The following VPS13A variants were observed in gnomAD, a reference collection of about 807,000 sequenced individuals.
VPS13A encodes the protein intermembrane lipid transfer protein VPS13A.
VPS13A carries 264 observed loss-of-function variants against 390.9 expected under a neutral mutation model. That is an observed-to-expected ratio of 0.68 (90% CI 0.61 to 0.75). VPS13A has a LOEUF of 0.75. Ranked by LOEUF, VPS13A falls within the 30% of genes least tolerant of loss-of-function variation. VPS13A has a pLI of 0.00. For missense variants in VPS13A, 3,409 were observed against 3,733.9 expected (o/e 0.91, Z 2.27); for synonymous variants, 1,231 against 1,227.1 (o/e 1.00, Z -0.07).
At chr9:77,253,549 C>G (rs1825264175) in intron 22 of VPS13A, among the ~76,000 whole-genome samples, 1 of 152,178 alleles carries the variant, frequency 6.6e-6, no homozygotes, top group Admixed American at 6.5e-5. Context: ...TTGTGATCCA[C>G]CCGCCTCAGC....
chr9:77,365,277 T>A (rs982325803), intron 59 of VPS13A, among the ~76,000 whole-genome samples, 183 bp from the exon 60 acceptor site: 2 of 152,204 alleles, frequency 1.3e-5, no homozygotes, highest in Admixed American at 1.3e-4. Flanking sequence ...TAATGCTTGT[T>A]GGTTTGTCAG....
intron 3 of VPS13A, among the ~76,000 whole-genome samples, chr9:77,201,786 T>A (rs1825344614): frequency 6.6e-6 from 1 of 152,166 alleles, no homozygotes; most frequent in South Asian, 2.1e-4. Flanking sequence ...GCCCTGTGAC[T>A]AGGGGCCGAT....
intron 2 of VPS13A, 95 bp downstream of exon 2, chr9:77,200,083 GAGAA>G (rs933085486): frequency 4.2e-5 from 51 of 1,203,020 alleles, no homozygotes; most frequent in Middle Eastern, 5.2e-4. Context: ...ATTTAAATTT[GAGAA>G]AGTTTTTTGT....
At chr9:77,283,068 T>C (rs990855233) in intron 29 of VPS13A, among the ~76,000 whole-genome samples, 4 of 152,178 alleles carry the variant, frequency 2.6e-5, no homozygotes, top group African/African-American at 9.6e-5. Flanking sequence ...CTAGTAATTA[T>C]TGGTTCTCAA....
chr9:77,282,398 T>A (rs1342151176), intron 29 of VPS13A, 124 bp downstream of exon 29: 5 of 873,366 alleles, frequency 5.7e-6, no homozygotes, highest in Middle Eastern at 3.6e-4. Flanking sequence ...CCTAGGTTAA[T>A]ATCTAGAAGG....
intron 67 of VPS13A, among the ~76,000 whole-genome samples, chr9:77,374,178 T>A (rs1395314765): frequency 6.6e-6 from 1 of 152,174 alleles, no homozygotes; most frequent in Non-Finnish European, 1.5e-5. Context: ...TCCCTCTTGA[T>A]CTGCAGGGAT....
intron 53 of VPS13A, 113 bp downstream of exon 53, chr9:77,351,559 C>A: frequency 7.4e-7 from 1 of 1,347,780 alleles, no homozygotes; most frequent in Non-Finnish European, 1.0e-6. Flanking sequence ...CTGAGGTGGG[C>A]CATGAGTTGG....
intron 67 of VPS13A, among the ~76,000 whole-genome samples, chr9:77,376,611 T>C (rs1468296633): frequency 6.6e-6 from 1 of 152,126 alleles, no homozygotes; most frequent in Non-Finnish European, 1.5e-5. Flanking sequence ...AAGGGTGAGG[T>C]TGTCGTTCTT....
rs771891218 is a variant in VPS13A, at chr9:77,206,089, A to G, written c.385+10A>G. 2.0e-6 allele frequency: 3 copies of G among 1,491,376 alleles called. No homozygotes were observed. The highest frequency in any genetic ancestry group is 1.2e-5 in the South Asian group (1 of 81,828). The allele number at this position is 1,491,376 out of a possible 1,614,324, so 92.4% of individuals were successfully genotyped here. Reference sequence around the variant, plus strand: ...AAAGTAGTTGATCAAGGTAAAGAAAACAGTAAATAACAATGCTAATAAGAG... The same window carrying G: ...AAAGTAGTTGATCAAGGTAAAGAAAGCAGTAAATAACAATGCTAATAAGAG... On this transcript the variant is annotated intron_variant, in intron 5 of 71. Coordinates refer to ENST00000360280, the MANE Select transcript of VPS13A (RefSeq NM_033305.3).
chr9:77,204,417 C>T (rs1199443068), intron 3 of VPS13A, among the ~76,000 whole-genome samples: 1 of 151,778 alleles, frequency 6.6e-6, no homozygotes, highest in Non-Finnish European at 1.5e-5. Context: ...GTTTGATTTT[C>T]TTAGGATGTT....
intron 69 of VPS13A, 55 bp downstream of exon 69, chr9:77,403,376 T>C: frequency 7.3e-7 from 1 of 1,379,030 alleles, no homozygotes; most frequent in Non-Finnish European, 1.0e-6. Context: ...TGACAGCGAC[T>C]CATGAGGTGA....
At position 77,370,272 on chromosome 9, in the gene VPS13A, C is replaced by T. The variant is rs2131587200; in HGVS notation, c.8683C>T (p.Pro2895Ser). 6.2e-7 allele frequency: 1 copy of T among 1,614,116 alleles called. No homozygotes were observed. The highest frequency in any genetic ancestry group is 1.1e-5 in the South Asian group (1 of 91,066). The change falls in exon 64 of 72, where the codon CCT becomes TCT. Residue 2895 changes from proline to serine, a missense_variant. Around this residue, in one of 5 missense-constraint regions of VPS13A, gnomAD observed 30 missense variants for 63.4 expected, o/e 0.47. Transcript: ENST00000360280. Reference protein sequence around the residue: ...YEPYQGAIQGPEEFVEGMALG... With the variant: ...YEPYQGAIQGSEEFVEGMALG... ...GGCCCTTTAGGGAGCCATCCAGGGTCCTGAAGAGTTTGTGGAAGGAATGGC... is the reference window on the plus strand; with the variant it reads ...GGCCCTTTAGGGAGCCATCCAGGGTTCTGAAGAGTTTGTGGAAGGAATGGC...
At chr9:77,228,527 G>A (rs1587372904) in intron 17 of VPS13A, among the ~76,000 whole-genome samples, 3 of 152,092 alleles carry the variant, frequency 2.0e-5, no homozygotes, top group African/African-American at 7.2e-5. Context: ...CATTAACAAT[G>A]TGGTTTTTAT....
chr9:77,201,300 A>T, intron 2 of VPS13A, 65 bp from the exon 3 acceptor site: 3 of 1,111,982 alleles, frequency 2.7e-6, no homozygotes, highest in Non-Finnish European at 4.1e-6. Context: ...AGTAAAGAGT[A>T]TTCATTTATG....
rs562398792 is a variant in VPS13A, at chr9:77,240,185, C to T, written c.1900+1799C>T. Reference sequence around the variant, plus strand: ...TCAACCTCTGCCTCCTGGGTTCAAGCGATTCTCCTGCCTCAGCCTCCCGAG... The same window carrying T: ...TCAACCTCTGCCTCCTGGGTTCAAGTGATTCTCCTGCCTCAGCCTCCCGAG... On this transcript the variant is annotated intron_variant, in intron 19 of 71. Transcript: ENST00000360280. 1.1e-4 allele frequency among the ~76,000 whole-genome samples: 16 copies of T among 149,444 alleles called. No individual in the cohort carries two copies. The East Asian group carries it at 1.4e-3, about 13-fold the overall frequency.
intron 67 of VPS13A, among the ~76,000 whole-genome samples, chr9:77,373,909 A>G (rs1031285110): frequency 9.2e-5 from 14 of 152,184 alleles, no homozygotes; most frequent in Admixed American, 2.6e-4. Flanking sequence ...CTGCCATTGC[A>G]TTGTTTCAAC....
At chr9:77,383,761 G>A (rs1833555550) in intron 68 of VPS13A, among the ~76,000 whole-genome samples, 1 of 151,924 alleles carries the variant, frequency 6.6e-6, no homozygotes, top group Admixed American at 6.6e-5. Flanking sequence ...TAATAGGTCA[G>A]TCTCATCATT....
chr9:77,405,718 G>T, intron 69 of VPS13A, 146 bp from the exon 70 acceptor site: 1 of 1,084,918 alleles, frequency 9.2e-7, no homozygotes, highest in Non-Finnish European at 1.3e-6. Context: ...TATGGTTCCA[G>T]TTCTTTTAAA....
intron 68 of VPS13A, among the ~76,000 whole-genome samples, chr9:77,398,181 T>A (rs1035820804): frequency 6.6e-6 from 1 of 152,150 alleles, no homozygotes; most frequent in Non-Finnish European, 1.5e-5. Context: ...CTGGAAAAAA[T>A]TAGCAGCCTA....
Sources: gnomAD v4.1 joint callset for allele counts (sites outside exome capture counted in the v4.1 genomes callset) on GRCh38, gnomAD v4.1.1 for gene constraint, gnomAD v4.1.1 regional missense constraint, MANE v1.5 for transcripts, NCBI Gene and HGNC (gene_info 2026-07-23, HGNC 2026-07-21) for gene names.